Variants in PPP3CA observed in about 807,000 individuals in gnomAD.
The protein encoded by PPP3CA is CAM-PRP catalytic subunit.
In PPP3CA, 14 loss-of-function variants were observed where a neutral mutation model predicts 66.5. The ratio of observed to expected loss-of-function variants is 0.21; its 90% CI spans 0.14 to 0.33. The LOEUF is 0.33. Among genes scored for constraint, PPP3CA ranks in the 10% least tolerant of loss-of-function variants. The pLI, the probability that PPP3CA is intolerant of heterozygous loss-of-function variation, is 1.00. For missense variants in PPP3CA, 317 were observed against 639.5 expected (o/e 0.50, Z 5.44); for synonymous variants, 232 against 226.2 (o/e 1.03, Z -0.23).
chr4:101,025,974 C>T lies in PPP3CA; in HGVS notation c.1457G>A (p.Arg486His), dbSNP rs1296940907. ...LDRINERMPP[R>H]RDAMPSDANL... ...GGCGTCAGAGGGCATGGCATCTCTG[C>T]GAGGCGGCATCCTCTCATTAATTCG... Residue 486 changes from arginine (R) to histidine (H), a missense_variant, in exon 14 of 14, where the codon CGC becomes CAC. Physicochemically the swap from Arg to His is conservative, Grantham distance 29. Around this residue, in one of 3 missense-constraint regions of PPP3CA, gnomAD observed 201 missense variants for 501.4 expected, o/e 0.40. Coordinates refer to ENST00000394854, the MANE Select transcript of PPP3CA (RefSeq NM_000944.5). 2 of 1,613,696 alleles carry T rather than the reference C, an allele frequency of 1.2e-6. No homozygotes were observed. The highest frequency in any genetic ancestry group is 1.7e-6 in the Non-Finnish European group (2 of 1,179,798).
intron 2 of PPP3CA, among the ~76,000 whole-genome samples, chr4:101,187,198 A>G (rs1724439777): frequency 6.6e-6 from 1 of 152,198 alleles, no homozygotes. Flanking sequence ...GGTGACCTGC[A>G]CAGCAGAGAT....
At chr4:101,116,557 G>T (rs1260110129) in intron 2 of PPP3CA, among the ~76,000 whole-genome samples, 1 of 151,740 alleles carries the variant, frequency 6.6e-6, no homozygotes, top group Non-Finnish European at 1.5e-5. Context: ...CCAGGGTTAT[G>T]GAACCATAAG....
At chr4:101,029,477 TTTAGGAAAACAC>T (rs1726840544) in intron 12 of PPP3CA, among the ~76,000 whole-genome samples, 1 of 151,842 alleles carries the variant, frequency 6.6e-6, no homozygotes, top group Non-Finnish European at 1.5e-5. Context: ...CAAACAACCC[TTTAGGAAAACAC>T]TTAGGAAAAT....
In PPP3CA at chr4:101,026,017, C is replaced by T. The variant is rs775976578; in HGVS notation, c.1414G>A (p.Glu472Lys). ...TTAATTCGGTCTAAGCCCTTGGCTT[C>T]CTCGAAGCTAGTGATCTTATGTTGT... ...SPQHKITSFE[E>K]AKGLDRINER... Residue 472 changes from glutamate to lysine, a missense_variant, in exon 14 of 14, where the codon GAA becomes AAA. By Grantham distance (56) the Glu-to-Lys change is moderately conservative (BLOSUM62 1). This residue lies in a region of PPP3CA where 201 missense variants were observed against 501.4 expected (regional missense o/e 0.40). Coordinates refer to ENST00000394854, the MANE Select transcript of PPP3CA (RefSeq NM_000944.5). 1 of 1,610,828 alleles carries T rather than the reference C, an allele frequency of 6.2e-7. No homozygotes were observed. Among genetic ancestry groups the T allele is most frequent in the Non-Finnish European group, 8.5e-7 (1 of 1,178,998 alleles).
chr4:101,149,473 A>T (rs531932634), intron 2 of PPP3CA, among the ~76,000 whole-genome samples: 76 of 152,338 alleles, frequency 5.0e-4, no homozygotes, highest in Non-Finnish European at 9.9e-4. Context: ...GTGAAAGTCA[A>T]ACATTAATCT....
intron 1 of PPP3CA, among the ~76,000 whole-genome samples, chr4:101,255,448 A>G (rs1488221914): frequency 6.6e-6 from 1 of 151,944 alleles, no homozygotes; most frequent in Non-Finnish European, 1.5e-5. Flanking sequence ...TCAGTTTAAC[A>G]TAAATTGTTC....
intron 1 of PPP3CA, among the ~76,000 whole-genome samples, chr4:101,249,274 C>G (rs973664898): frequency 2.6e-5 from 4 of 151,926 alleles, no homozygotes; most frequent in Admixed American, 6.6e-5. Flanking sequence ...TTTACAGACA[C>G]GTTATCCACC....
chr4:101,345,899 G>T (rs74885981), intron 1 of PPP3CA, among the ~76,000 whole-genome samples: 1,939 of 152,352 alleles, frequency 0.013, 50 homozygotes, highest in African/African-American at 0.044. Flanking sequence ...TCACTTGGGA[G>T]GTGTGCACGA....
chr4:101,341,601 C>T (rs1729820147), intron 1 of PPP3CA, among the ~76,000 whole-genome samples: 1 of 152,162 alleles, frequency 6.6e-6, no homozygotes, highest in African/African-American at 2.4e-5. Context: ...TAACCACACA[C>T]TCCCCATTTC....
Position 101,075,654 on chromosome 4 carries a change from T to C in PPP3CA, c.955+4878A>G, listed in dbSNP as rs565538955. Among the ~76,000 whole-genome samples, 6 of 152,304 alleles carry C rather than the reference T, an allele frequency of 3.9e-5. No individual in the cohort carries two copies. In the South Asian group the frequency reaches 1.2e-3, roughly 32 times the overall value. On this transcript the variant is annotated intron_variant, in intron 8 of 13. Transcript: ENST00000394854. The stretch of plus-strand genomic sequence containing the variant: ...AAAATACATTTTCCCAGAGGTTCAT[T>C]GCAATTTTTGGCCAAACTGAGTTGT...
At chr4:101,034,437 A>G (rs867551935) in intron 11 of PPP3CA, among the ~76,000 whole-genome samples, 1 of 152,022 alleles carries the variant, frequency 6.6e-6, no homozygotes, top group Non-Finnish European at 1.5e-5. Context: ...AAAACGATAC[A>G]GTGTGTTTAC....
intron 1 of PPP3CA, among the ~76,000 whole-genome samples, chr4:101,280,087 T>TG (rs1261182521): frequency 6.6e-6 from 1 of 152,142 alleles, no homozygotes; most frequent in African/African-American, 2.4e-5. Flanking sequence ...TAGTAAGAAA[T>TG]GGGAACACAT....
intron 1 of PPP3CA, among the ~76,000 whole-genome samples, chr4:101,327,087 A>G (rs1282949764): frequency 6.6e-6 from 1 of 152,222 alleles, no homozygotes; most frequent in Non-Finnish European, 1.5e-5. Flanking sequence ...AAAGAGGTAG[A>G]CTTTCATCCA....
chr4:101,092,568 T>A (rs1402778101), intron 6 of PPP3CA, among the ~76,000 whole-genome samples: 1 of 152,076 alleles, frequency 6.6e-6, no homozygotes, highest in African/African-American at 2.4e-5. Flanking sequence ...ATATTTATAC[T>A]AATAATATCC....
At chr4:101,279,917 T>C (rs1727626357) in intron 1 of PPP3CA, among the ~76,000 whole-genome samples, 1 of 152,204 alleles carries the variant, frequency 6.6e-6, no homozygotes. Flanking sequence ...AAGAAGTAAG[T>C]TATCTAAAGT....
At chr4:101,278,175 T>C (rs1276779798) in intron 1 of PPP3CA, among the ~76,000 whole-genome samples, 1 of 149,084 alleles carries the variant, frequency 6.7e-6, no homozygotes, top group Non-Finnish European at 1.5e-5. Context: ...CTACGACTTT[T>C]AAATTCAATG....
At position 101,025,920 on chromosome 4, in the gene PPP3CA, G is replaced by C. The variant is rs1390292432; in HGVS notation, c.1511C>G (p.Thr504Ser). ...ANLNSINKAL[T>S]SETNGTDSNG... is the part of the protein sequence containing the mutation. ...GCTGTCCGTGCCGTTAGTCTCTGAGGTGAGAGCCTTGTTGATGGAGTTAAG... is the reference window on the plus strand; with the variant it reads ...GCTGTCCGTGCCGTTAGTCTCTGAGCTGAGAGCCTTGTTGATGGAGTTAAG... The change falls in exon 14 of 14, where the codon ACC becomes AGC. Residue 504 changes from threonine (T) to serine (S), a missense_variant. Thr to Ser is a moderately conservative substitution (Grantham distance 58). Around this residue, in one of 3 missense-constraint regions of PPP3CA, gnomAD observed 40 missense variants for 38.6 expected, o/e 1.04. Transcript: ENST00000394854. 6.2e-7 allele frequency: 1 copy of C among 1,612,350 alleles called. No individual in the cohort carries two copies. The highest frequency in any genetic ancestry group is 2.2e-5 in the East Asian group (1 of 44,792).
intron 1 of PPP3CA, among the ~76,000 whole-genome samples, chr4:101,260,583 T>C (rs1160069906): frequency 6.6e-6 from 1 of 152,056 alleles, no homozygotes; most frequent in Non-Finnish European, 1.5e-5. Flanking sequence ...AAATGCAAAC[T>C]CTGTTTCAGC....
intron 1 of PPP3CA, among the ~76,000 whole-genome samples, chr4:101,271,830 T>C (rs1727345378): frequency 6.6e-6 from 1 of 152,142 alleles, no homozygotes; most frequent in African/African-American, 2.4e-5. Context: ...AAAAATGTGG[T>C]GGACAGAATT....
Sources: allele counts gnomAD v4.1 joint callset (sites outside exome capture counted in the v4.1 genomes callset), GRCh38; gene constraint gnomAD v4.1.1; regional missense constraint gnomAD v4.1.1; transcripts MANE v1.5; gene names NCBI Gene and HGNC (gene_info 2026-07-23, HGNC 2026-07-21).